C8orf34: variants seen among roughly 807,000 people sequenced by gnomAD.
C8orf34 encodes the protein chromosome 8 open reading frame 34, also known as uncharacterized protein C8orf34.
Under a neutral mutation model 68.3 loss-of-function variants are expected in C8orf34, and 65 were observed. The ratio of observed to expected loss-of-function variants is 0.95; its 90% confidence interval spans 0.78 to 1.17. C8orf34 has a LOEUF of 1.17. Ranked by LOEUF, C8orf34 falls within the 50% of genes most tolerant of loss-of-function variation. The pLI is 0.00. For missense variants in C8orf34, 664 were observed against 655.4 expected (o/e 1.01, Z -0.14); for synonymous variants, 244 against 241.2 (o/e 1.01, Z -0.11).
At chr8:68,712,717 T>A (rs750963316) in intron 9 of C8orf34, among the ~76,000 whole-genome samples, 1 of 151,902 alleles carries the variant, frequency 6.6e-6, no homozygotes. Flanking sequence ...ATCTAAGAAA[T>A]GAGACAGATA....
chr8:68,569,339 T>C (rs1816695058), intron 7 of C8orf34, among the ~76,000 whole-genome samples: 1 of 152,204 alleles, frequency 6.6e-6, no homozygotes, highest in African/African-American at 2.4e-5. Context: ...GGTGTTAGGC[T>C]CAAGTCCACA....
At chr8:68,586,063 T>C (rs1385236040) in intron 7 of C8orf34, among the ~76,000 whole-genome samples, 1 of 152,014 alleles carries the variant, frequency 6.6e-6, no homozygotes, top group East Asian at 1.9e-4. Flanking sequence ...TAGTAAGAAC[T>C]GAGGAAGGAT....
intron 12 of C8orf34, among the ~76,000 whole-genome samples, chr8:68,810,048 G>A (rs189266354): frequency 4.6e-5 from 7 of 152,322 alleles, no homozygotes; most frequent in East Asian, 1.9e-4. Flanking sequence ...GATCTTTGGG[G>A]TATTGCTTCA....
intron 12 of C8orf34, among the ~76,000 whole-genome samples, chr8:68,809,752 C>T (rs1411416657): frequency 1.3e-5 from 2 of 152,176 alleles, no homozygotes; most frequent in Admixed American, 1.3e-4. Context: ...ATAAACTATT[C>T]CCTCGAGCAG....
At chr8:68,650,422 G>A (rs1181494236) in intron 8 of C8orf34, among the ~76,000 whole-genome samples, 1 of 151,806 alleles carries the variant, frequency 6.6e-6, no homozygotes, top group African/African-American at 2.4e-5. Context: ...AAGATTGGTC[G>A]GACCAGGTGT....
chr8:68,558,751 C>G (rs1419147907), intron 7 of C8orf34, among the ~76,000 whole-genome samples: 1 of 152,092 alleles, frequency 6.6e-6, no homozygotes, highest in African/African-American at 2.4e-5. Flanking sequence ...CTTATGATTC[C>G]ATTTCTGATT....
chr8:68,710,792 G>C (rs1821310353), intron 9 of C8orf34, among the ~76,000 whole-genome samples: 1 of 152,104 alleles, frequency 6.6e-6, no homozygotes, highest in Non-Finnish European at 1.5e-5. Context: ...TGTTCCTAGG[G>C]CAAGTTTGCA....
At chr8:68,409,650 A>T (rs1809358366) in intron 1 of C8orf34, among the ~76,000 whole-genome samples, 1 of 152,148 alleles carries the variant, frequency 6.6e-6, no homozygotes, top group Non-Finnish European at 1.5e-5. Flanking sequence ...GAAGAAAGGA[A>T]TGCCTTTTTG....
intron 7 of C8orf34, among the ~76,000 whole-genome samples, chr8:68,573,000 A>G (rs889905381): frequency 6.6e-5 from 10 of 152,056 alleles, no homozygotes; most frequent in African/African-American, 2.4e-4. Context: ...TGGCTCTCCC[A>G]TCTTCATTCC....
intron 12 of C8orf34, among the ~76,000 whole-genome samples, chr8:68,802,642 G>C (rs1824366358): frequency 3.3e-5 from 5 of 151,944 alleles, no homozygotes; most frequent in Admixed American, 1.3e-4. Flanking sequence ...GGGACTACAG[G>C]GGTATGCCAC....
rs190818085 is a variant in C8orf34 at position 68,465,517 on chromosome 8, C to T, written c.608-3175C>T. ...ACATGCACACGTATGTTTATTGCAG[C>T]ACTATTCACAATAGCAAAGTCTTGG... On this transcript the variant is annotated intron_variant, in intron 3 of 13. Coordinates refer to ENST00000518698, the MANE Select transcript of C8orf34 (RefSeq NM_052958.4). 4.7e-3 allele frequency among the ~76,000 whole-genome samples: 713 copies of T among 152,154 alleles called. 3 individuals carry two copies. Among genetic ancestry groups the T allele is most frequent in the Middle Eastern group, 0.031 (9 of 294 alleles).
chr8:68,512,081 C>G (rs1814299371), intron 5 of C8orf34, among the ~76,000 whole-genome samples: 1 of 152,144 alleles, frequency 6.6e-6, no homozygotes, highest in Non-Finnish European at 1.5e-5. Context: ...GGCTTATTCT[C>G]AACCATCTTT....
intron 11 of C8orf34, among the ~76,000 whole-genome samples, chr8:68,782,906 A>G (rs1401398068): frequency 1.3e-5 from 2 of 148,356 alleles, no homozygotes; most frequent in East Asian, 2.0e-4. Context: ...TGAGTTAAAG[A>G]AAAAAAAAAG....
intron 8 of C8orf34, among the ~76,000 whole-genome samples, chr8:68,668,130 T>C (rs1819896764): frequency 6.6e-6 from 1 of 152,072 alleles, no homozygotes; most frequent in Non-Finnish European, 1.5e-5. Flanking sequence ...TAAAAATCAA[T>C]TTCTTCTATA....
intron 10 of C8orf34, among the ~76,000 whole-genome samples, chr8:68,739,771 C>A (rs1266118082): frequency 6.6e-6 from 1 of 151,992 alleles, no homozygotes. Context: ...AAGAAAGAGC[C>A]CAAATACCCA....
chr8:68,464,822 T>A (rs201280163), intron 3 of C8orf34, among the ~76,000 whole-genome samples: 1 of 152,054 alleles, frequency 6.6e-6, no homozygotes, highest in African/African-American at 2.4e-5. Flanking sequence ...AAGACTTAAA[T>A]GTTAGACCTA....
chr8:68,457,270 A>G (rs1811594089), intron 3 of C8orf34, among the ~76,000 whole-genome samples: 1 of 152,178 alleles, frequency 6.6e-6, no homozygotes, highest in African/African-American at 2.4e-5. Context: ...ATAAATATAA[A>G]AAAATGAAGA....
At chr8:68,672,802 T>G (rs1169575395) in intron 8 of C8orf34, among the ~76,000 whole-genome samples, 1 of 151,766 alleles carries the variant, frequency 6.6e-6, no homozygotes. Flanking sequence ...GCTAAAGGAG[T>G]GCTTGCACTA....
chr8:68,721,415 A>T lies in C8orf34; in HGVS notation c.1382A>T (p.Lys461Ile). ...ALMEEGDEFEKASKLTGPGEA... is the reference protein window; with the variant it reads ...ALMEEGDEFEIASKLTGPGEA... ...ATGGAGGAGGGTGACGAATTTGAGA[A>T]AGCATCTAAACTAACAGGACCTGTA... The change falls in exon 10 of 14, where the codon AAA becomes ATA. Residue 461 changes from lysine to isoleucine, a missense_variant. Transcript: ENST00000518698. 6.2e-7 allele frequency: 1 copy of T among 1,608,926 alleles called. No individual in the cohort carries two copies. The highest frequency in any genetic ancestry group is 8.5e-7 in the Non-Finnish European group (1 of 1,176,430).
Sources: gnomAD v4.1 joint callset for allele counts (sites outside exome capture counted in the v4.1 genomes callset) on GRCh38, gnomAD v4.1.1 for gene constraint, MANE v1.5 for transcripts, NCBI Gene and HGNC (gene_info 2026-07-23, HGNC 2026-07-21) for gene names.